Variants in L3MBTL2 observed in about 807,000 individuals in gnomAD.
L3MBTL2 encodes lethal(3)malignant brain tumor-like protein 2.
A neutral mutation model predicts 86.4 loss-of-function variants in L3MBTL2; 49 were observed. That is an observed-to-expected ratio of 0.57 (90% CI 0.45 to 0.72). The LOEUF (loss-of-function observed/expected upper bound fraction) is 0.72, where lower values mean the gene tolerates loss of function less well. Ranked by LOEUF, L3MBTL2 falls within the 30% of genes least tolerant of loss-of-function variation. The probability of loss-of-function intolerance (pLI) is 0.00; values close to 1 mark genes in which losing one functional copy is unlikely to be tolerated. For synonymous variants in L3MBTL2, 336 were observed against 350.6 expected (o/e 0.96, Z 0.47); for missense variants, 755 against 923.7 (o/e 0.82, Z 2.37).
Position 41,229,628 on chromosome 22 carries a change from G to C in L3MBTL2, c.1977G>C (p.Lys659Asn). Residue 659 changes from lysine (K) to asparagine (N), a missense_variant, in exon 16 of 17, where the codon AAG becomes AAC. Coordinates refer to ENST00000216237, the MANE Select transcript of L3MBTL2 (RefSeq NM_031488.5). ...AGGACGACCCTCAGGGTGCCAGGAAGATCTCGTCGGAGCCTGTTCCTGGCG... is the reference window on the plus strand; with the variant it reads ...AGGACGACCCTCAGGGTGCCAGGAACATCTCGTCGGAGCCTGTTCCTGGCG... ...LLEDDPQGAR[K>N]ISSEPVPGEI... is the part of the protein sequence containing the mutation. 1.2e-6 allele frequency: 2 copies of C among 1,613,802 alleles called. No individual in the cohort carries two copies. Among genetic ancestry groups the C allele is most frequent in the Non-Finnish European group, 8.5e-7 (1 of 1,179,988 alleles).
intron 8 of L3MBTL2, 50 bp from the exon 9 acceptor site, chr22:41,223,970 G>C (rs13058537): frequency 6.9e-7 from 1 of 1,448,056 alleles, no homozygotes. Flanking sequence ...AGGAGGGTGG[G>C]TGGGAAGAGC....
intron 1 of L3MBTL2, among the ~76,000 whole-genome samples, chr22:41,207,923 C>G (rs192593237): frequency 8.5e-5 from 13 of 152,088 alleles, no homozygotes; most frequent in Admixed American, 8.5e-4. Flanking sequence ...CCTCCAACTC[C>G]TGGGTTCAAG....
chr22:41,205,610 C>T (rs1335377390), intron 1 of L3MBTL2, among the ~76,000 whole-genome samples: 2 of 152,130 alleles, frequency 1.3e-5, no homozygotes, highest in East Asian at 3.9e-4. Flanking sequence ...GAACAGCCGT[C>T]CCTGGCCTGG....
At position 41,224,630 on chromosome 22, in the gene L3MBTL2, G is replaced by A; in HGVS notation, c.1175-95G>A. On this transcript the variant is annotated intron_variant, in intron 9 of 16. Coordinates refer to ENST00000216237, the MANE Select transcript of L3MBTL2 (RefSeq NM_031488.5). This position sits in a 1 kb window ranked among gnomAD's most constrained non-coding sequence, Gnocchi z 4.9. Reference sequence around the variant, plus strand: ...AGATACAGCTGAGAACACGTGCAGAGCAGCCCCACATTCCCAGGGGAGGCG... The same window carrying A: ...AGATACAGCTGAGAACACGTGCAGAACAGCCCCACATTCCCAGGGGAGGCG... The A allele has an allele frequency of 1.1e-6, 1 of 883,448 alleles. No individual in the cohort carries two copies. The highest frequency in any genetic ancestry group is 1.9e-6 in the Non-Finnish European group (1 of 526,278). 54.7% of individuals were successfully genotyped at this position (883,448 alleles called of 1,614,324 possible).
At chr22:41,205,559 C>G (rs994390134) in intron 1 of L3MBTL2, among the ~76,000 whole-genome samples, 173 bp downstream of exon 1, 1 of 152,146 alleles carries the variant, frequency 6.6e-6, no homozygotes, top group Non-Finnish European at 1.5e-5. Flanking sequence ...CTTTTTGCCC[C>G]TCTCCTGCTG....
Position 41,230,675 on chromosome 22 carries a change from C to A in L3MBTL2, c.*424C>A, listed in dbSNP as rs1201711651. 5.5e-6 allele frequency: 1 copy of A among 182,312 alleles called. No individual in the cohort carries two copies. The highest frequency in any genetic ancestry group is 1.1e-5 in the Non-Finnish European group (1 of 87,660). The allele number at this position is 182,312 out of a possible 1,614,324, so 11.3% of individuals were successfully genotyped here. On this transcript the variant is annotated 3_prime_UTR_variant, in exon 17 of 17. Transcript: ENST00000216237. ...CTGAACGAGCCATGTAAATTAAGTT[C>A]TAGAGCAGCTCTCTGAGCAGGATAA...
chr22:41,228,779 G>A (rs1036666695), intron 15 of L3MBTL2, among the ~76,000 whole-genome samples: 2 of 151,872 alleles, frequency 1.3e-5, no homozygotes, highest in Non-Finnish European at 2.9e-5. Context: ...GAACCTGGGG[G>A]CCGGAGGTGG....
intron 6 of L3MBTL2, among the ~76,000 whole-genome samples, 154 bp downstream of exon 6, chr22:41,219,690 A>G (rs1463057636): frequency 6.6e-6 from 1 of 152,168 alleles, no homozygotes; most frequent in Admixed American, 6.5e-5. Flanking sequence ...TTACCGGAGA[A>G]GGGAACACAG....
At position 41,229,673 on chromosome 22, in the gene L3MBTL2, T is replaced by G; in HGVS notation, c.2005+17T>G. 1.2e-6 allele frequency: 2 copies of G among 1,613,070 alleles called. No individual in the cohort carries two copies. The highest frequency in any genetic ancestry group is 1.7e-6 in the Non-Finnish European group (2 of 1,180,006). On this transcript the variant is annotated intron_variant, in intron 16 of 16. Transcript: ENST00000216237. ...CTGGCGAGAGTAAGAGCCACCGGGC[T>G]GGGTCAAGGCAGGACCAGCCTGCTC...
chr22:41,212,039 A>AT (rs1212256371), intron 2 of L3MBTL2, among the ~76,000 whole-genome samples: 1 of 124,196 alleles, frequency 8.1e-6, no homozygotes, highest in African/African-American at 3.1e-5. Context: ...AATTTTTTGT[A>AT]TTTTTTAGTA....
intron 13 of L3MBTL2, 148 bp from the exon 14 acceptor site, chr22:41,226,941 A>G (rs2032223716): frequency 2.7e-6 from 2 of 748,456 alleles, no homozygotes; most frequent in Non-Finnish European, 4.4e-6. Context: ...GGAGAGGTGC[A>G]GTGGGTTATT....
intron 8 of L3MBTL2, among the ~76,000 whole-genome samples, chr22:41,222,624 A>G (rs1316546230): frequency 2.0e-5 from 3 of 152,222 alleles, no homozygotes; most frequent in East Asian, 3.9e-4. Flanking sequence ...GAAAAAAAAA[A>G]AAAACATTAG....
rs750476746 is a variant in L3MBTL2 at position 41,230,166 on chromosome 22, A to T, written c.2033A>T (p.His678Leu). ...ATTGCTGTGCGTGTGAAGGAAGAGC[A>T]TCTAGACGTGGCCTCGCCCGACAAG... ...EIIAVRVKEE[H>L]LDVASPDKAS... The change falls in exon 17 of 17, where the codon CAT (histidine) becomes CTT (leucine). Residue 678 changes from histidine (H) to leucine (L), a missense_variant. Coordinates refer to ENST00000216237, the MANE Select transcript of L3MBTL2 (RefSeq NM_031488.5). 2.5e-6 allele frequency: 4 copies of T among 1,600,450 alleles called. No individual in the cohort carries two copies. In the South Asian group the frequency reaches 3.3e-5, roughly 13 times the overall value.
chr22:41,207,648 G>C (rs1443177430), intron 1 of L3MBTL2, among the ~76,000 whole-genome samples: 2 of 151,916 alleles, frequency 1.3e-5, no homozygotes, highest in African/African-American at 4.8e-5. Context: ...CTCTGGACCA[G>C]AGGCCAAACT....
chr22:41,224,876 C>T lies in L3MBTL2; in HGVS notation c.1251+75C>T, dbSNP rs2032074428. The T allele has an allele frequency of 2.6e-6, 4 of 1,560,180 alleles. No individual in the cohort carries two copies. The highest frequency in any genetic ancestry group is 2.7e-6 in the Non-Finnish European group (3 of 1,131,848). On this transcript the variant is annotated intron_variant, in intron 10 of 16. Coordinates refer to ENST00000216237, the MANE Select transcript of L3MBTL2 (RefSeq NM_031488.5). This position sits in a 1 kb window ranked among gnomAD's most constrained non-coding sequence, Gnocchi z 4.9. ...GGGCCTGAGGGACCTGGCTCTTCCC[C>T]TGGGACCATCCCTTTCCCTCCTGAG...
At chr22:41,219,640 C>T in intron 6 of L3MBTL2, 104 bp downstream of exon 6, 2 of 717,556 alleles carry the variant, frequency 2.8e-6, no homozygotes, top group South Asian at 1.6e-5. Context: ...AAACAAAAAT[C>T]CCACCCACTG....
chr22:41,213,101 C>A (rs1022700537), intron 2 of L3MBTL2, among the ~76,000 whole-genome samples: 1 of 152,066 alleles, frequency 6.6e-6, no homozygotes, highest in Non-Finnish European at 1.5e-5. Context: ...CCTGTAGTCC[C>A]AGCTACTCGG....
chr22:41,211,393 CAG>C (rs755288852), intron 2 of L3MBTL2, among the ~76,000 whole-genome samples: 107 of 150,970 alleles, frequency 7.1e-4, no homozygotes, highest in Non-Finnish European at 9.4e-4. Flanking sequence ...TTTGTAGAGA[CAG>C]GGGTTTTGCC....
intron 2 of L3MBTL2, 41 bp from the exon 3 acceptor site, chr22:41,213,852 T>A (rs1479655575): frequency 6.2e-7 from 1 of 1,609,286 alleles, no homozygotes; most frequent in Non-Finnish European, 8.5e-7. Context: ...TGCTTTGAGG[T>A]GGTCATATCG....
Sources: gnomAD v4.1 joint callset for allele counts (sites outside exome capture counted in the v4.1 genomes callset) on GRCh38, gnomAD v4.1.1 for gene constraint, Gnocchi (gnomAD v3.1) non-coding constraint, MANE v1.5 for transcripts, NCBI Gene and HGNC (gene_info 2026-07-23, HGNC 2026-07-21) for gene names.